Variants in OTX2 observed in about 807,000 individuals in gnomAD.
The protein encoded by OTX2 is homeobox protein OTX2.
OTX2 carries 4 observed loss-of-function variants against 29.0 expected under a neutral mutation model. That is an observed-to-expected ratio of 0.14 (90% CI 0.07 to 0.32). OTX2 has a LOEUF of 0.32. Ranked by LOEUF, OTX2 falls within the 10% of genes least tolerant of loss-of-function variation. OTX2 has a pLI of 1.00. For missense variants in OTX2, 298 were observed against 365.9 expected (o/e 0.81, Z 1.51); for synonymous variants, 134 against 141.0 (o/e 0.95, Z 0.35).
In OTX2 at chr14:56,801,910, T is replaced by C. The variant is rs1891894189; in HGVS notation, c.719A>G (p.Asn240Ser). ...MGTNAVTSHL[N>S]QSPASLSTQG... ...GGTGGAAAGAGAAGCTGGGGACTGA[T>C]TGAGATGGCTGGTGACTGCATTGGT... is the stretch of plus-strand genomic sequence containing the variant. The change falls in exon 5 of 5, where the codon AAT (asparagine) becomes AGT (serine). Residue 240 changes from asparagine (N) to serine (S), a missense_variant. This residue lies in a region of OTX2 where 219 missense variants were observed against 223.5 expected (regional missense o/e 0.98). Transcript: ENST00000672264. This position sits in a 1 kb window ranked among gnomAD's most constrained non-coding sequence, Gnocchi z 4.2. The C allele has an allele frequency of 6.2e-7, 1 of 1,614,024 alleles. No homozygotes were observed. Among genetic ancestry groups the C allele is most frequent in the Non-Finnish European group, 8.5e-7 (1 of 1,180,050 alleles).
In OTX2 at chr14:56,804,674, G is replaced by T. The variant is rs1220572718; in HGVS notation, c.98-311C>A. On this transcript the variant is annotated intron_variant, in intron 3 of 4. Coordinates refer to ENST00000672264, the MANE Select transcript of OTX2 (RefSeq NM_021728.4). The surrounding 1 kb of genome is among the most constrained non-coding windows in gnomAD (Gnocchi z 4.1). ...AACCCCCAAACCACAACACAAAAAG[G>T]CTATTCCAAGAAGTCAAAGGATCTC... Among the ~76,000 whole-genome samples, 9 of 152,142 alleles carry T rather than the reference G, an allele frequency of 5.9e-5. No individual in the cohort carries two copies. The highest frequency in any genetic ancestry group is 5.9e-4 in the Admixed American group (9 of 15,266).
chr14:56,806,093 T>C (rs767114839), intron 2 of OTX2, among the ~76,000 whole-genome samples: 1 of 152,170 alleles, frequency 6.6e-6, no homozygotes, highest in Admixed American at 6.5e-5. Context: ...TGCCTTTCCA[T>C]GGCAGAGATT....
At chr14:56,805,071 C>T (rs1892034377) in intron 3 of OTX2, among the ~76,000 whole-genome samples, 1 of 152,200 alleles carries the variant, frequency 6.6e-6, no homozygotes, top group Admixed American at 6.5e-5. Context: ...CAGTAACCTT[C>T]CTCATCCCAC....
chr14:56,805,452 A>G lies in OTX2; in HGVS notation c.5T>C (p.Met2Thr), dbSNP rs1412709573. 1.9e-6 allele frequency: 3 copies of G among 1,611,908 alleles called. No individual in the cohort carries two copies. The highest frequency in any genetic ancestry group is 2.2e-5 in the East Asian group (1 of 44,858). Reference sequence around the variant, plus strand: ...GTAAGGCGGTTGCTTAAGATAAGACATCATGCTAAGGTTGTTTGGAGGTGC... The same window carrying G: ...GTAAGGCGGTTGCTTAAGATAAGACGTCATGCTAAGGTTGTTTGGAGGTGC... Reference protein sequence around the residue: MMSYLKQPPYAV... With the variant: MTSYLKQPPYAV... Residue 2 changes from methionine to threonine, a missense_variant, in exon 3 of 5, where the codon ATG becomes ACG. Physicochemically the swap from Met to Thr is moderately conservative, Grantham distance 81. This residue lies in a region of OTX2 where 50 missense variants were observed against 57.6 expected (regional missense o/e 0.87). Transcript: ENST00000672264.
Position 56,805,513 on chromosome 14 carries a change from A to G in OTX2, c.-57T>C. 9.0e-7 allele frequency: 1 copy of G among 1,117,302 alleles called. No homozygotes were observed. Among genetic ancestry groups the G allele is most frequent in the Non-Finnish European group, 1.4e-6 (1 of 734,742 alleles). The allele number at this position is 1,117,302 out of a possible 1,614,324, so 69.2% of individuals were successfully genotyped here. On this transcript the variant is annotated 5_prime_UTR_variant, in exon 3 of 5. Transcript: ENST00000672264. ...CAAATCGGGGGTACCCAGCTGGAAG[A>G]TCTTGATGCGCCCGGGGTGGACAGG...
chr14:56,802,241 T>C lies in OTX2; in HGVS notation c.388A>G (p.Ser130Gly), dbSNP rs748205899. The C allele has an allele frequency of 6.2e-7, 1 of 1,614,162 alleles. No homozygotes were observed. The highest frequency in any genetic ancestry group is 1.1e-5 in the South Asian group (1 of 91,074). The change falls in exon 5 of 5, where the codon AGT becomes GGT. Residue 130 changes from serine to glycine, a missense_variant. Ser to Gly is a moderately conservative substitution (Grantham distance 56). This residue lies in a region of OTX2 where 219 missense variants were observed against 223.5 expected (regional missense o/e 0.98). Coordinates refer to ENST00000672264, the MANE Select transcript of OTX2 (RefSeq NM_021728.4). The surrounding 1 kb of genome is among the most constrained non-coding windows in gnomAD (Gnocchi z 4.4). ...KKKTSPAREV[S>G]SESGTSGQFT... The stretch of plus-strand genomic sequence containing the variant: ...TGGCCACTTGTTCCACTCTCTGAAC[T>C]CACTTCCCGAGCTGGAGATGTCTTC...
chr14:56,806,340 T>C (rs1292945841), intron 2 of OTX2, among the ~76,000 whole-genome samples: 1 of 152,232 alleles, frequency 6.6e-6, no homozygotes, highest in Non-Finnish European at 1.5e-5. Flanking sequence ...ATTATATGTG[T>C]CTAAGGAACG....
In OTX2 at chr14:56,801,880, C is replaced by G. The variant is rs746941491; in HGVS notation, c.749G>C (p.Gly250Ala). ...NQSPASLSTQ[G>A]YGASSLGFNS... ...AAAACCCAAGCTTGAAGCTCCATAT[C>G]CCTGGGTGGAAAGAGAAGCTGGGGA... The change falls in exon 5 of 5, where the codon GGA becomes GCA. Residue 250 changes from glycine to alanine, a missense_variant. Transcript: ENST00000672264. This position sits in a 1 kb window ranked among gnomAD's most constrained non-coding sequence, Gnocchi z 4.2. 1 of 1,614,160 alleles carries G rather than the reference C, an allele frequency of 6.2e-7. No homozygotes were observed. The highest frequency in any genetic ancestry group is 1.1e-5 in the South Asian group (1 of 91,090).
intron 2 of OTX2, among the ~76,000 whole-genome samples, chr14:56,808,104 TC>T: frequency 7.4e-6 from 1 of 134,294 alleles, no homozygotes; most frequent in Middle Eastern, 3.8e-3. Flanking sequence ...CGCTTCTCCC[TC>T]CCCCACGCCT....
Position 56,802,225 on chromosome 14 carries a change from G to C in OTX2, c.404C>G (p.Thr135Arg), listed in dbSNP as rs1891915573. The change falls in exon 5 of 5, where the codon ACA becomes AGA. Residue 135 changes from threonine (T) to arginine (R), a missense_variant. Thr to Arg is a moderately conservative substitution (Grantham distance 71). This residue lies in a region of OTX2 where 219 missense variants were observed against 223.5 expected (regional missense o/e 0.98). Transcript: ENST00000672264. This position sits in a 1 kb window ranked among gnomAD's most constrained non-coding sequence, Gnocchi z 4.4. ...AGAGGGGGGAGTGAATTGGCCACTT[G>C]TTCCACTCTCTGAACTCACTTCCCG... is the stretch of plus-strand genomic sequence containing the variant. ...PAREVSSESGTSGQFTPPSST... is the reference protein window; with the variant it reads ...PAREVSSESGRSGQFTPPSST... 6.2e-7 allele frequency: 1 copy of C among 1,614,104 alleles called. No individual in the cohort carries two copies. The highest frequency in any genetic ancestry group is 8.5e-7 in the Non-Finnish European group (1 of 1,180,020).
rs1891852321 is a variant in OTX2 at position 56,800,937 on chromosome 14, T to C, written c.*798A>G. The C allele has an allele frequency of 6.6e-6, 1 of 152,568 alleles. No homozygotes were observed. Among genetic ancestry groups the C allele is most frequent in the Non-Finnish European group, 1.5e-5 (1 of 68,084 alleles). 9.5% of individuals were successfully genotyped at this position (152,568 alleles called of 1,614,324 possible). A position where few individuals can be genotyped will look rare whatever the true frequency, so the allele number is the denominator to read the frequency against. ...TTTTGCTTCTCTTCTCTGACTCTCTTTGTCCAGAGACATTTTGTCGTAAAG... is the reference window on the plus strand; with the variant it reads ...TTTTGCTTCTCTTCTCTGACTCTCTCTGTCCAGAGACATTTTGTCGTAAAG... On this transcript the variant is annotated 3_prime_UTR_variant, in exon 5 of 5. Coordinates refer to ENST00000672264, the MANE Select transcript of OTX2 (RefSeq NM_021728.4).
chr14:56,800,214 C>A lies in OTX2; in HGVS notation c.*1521G>T, dbSNP rs1015105734. 7 of 151,992 alleles carry A rather than the reference C, an allele frequency of 4.6e-5. No individual in the cohort carries two copies. The highest frequency in any genetic ancestry group is 8.8e-5 in the Non-Finnish European group (6 of 68,016). The allele number at this position is 151,992 out of a possible 1,614,324, so 9.4% of individuals were successfully genotyped here. A position where few individuals can be genotyped will look rare whatever the true frequency, so the allele number is the denominator to read the frequency against. ...TTCTGAAACTCTTTTGTTCAGGAAT[C>A]ATTTCTGCCTGAATTACTTTCAGAT... On this transcript the variant is annotated 3_prime_UTR_variant, in exon 5 of 5. Coordinates refer to ENST00000672264, the MANE Select transcript of OTX2 (RefSeq NM_021728.4).
At position 56,804,068 on chromosome 14, in the gene OTX2, G is replaced by T; in HGVS notation, c.273+120C>A. 2.5e-6 allele frequency: 3 copies of T among 1,178,180 alleles called. No homozygotes were observed. Among genetic ancestry groups the T allele is most frequent in the Non-Finnish European group, 3.8e-6 (3 of 795,946 alleles). 73.0% of individuals were successfully genotyped at this position (1,178,180 alleles called of 1,614,324 possible). ...GAGAATAGTTTCCTGGCCCCTTAGT[G>T]AGTGAAGGAGAATTTCAAGCCTTCC... On this transcript the variant is annotated intron_variant, in intron 4 of 4. Transcript: ENST00000672264. This position sits in a 1 kb window ranked among gnomAD's most constrained non-coding sequence, Gnocchi z 4.1.
At chr14:56,809,280 C>T (rs1170444237) in intron 2 of OTX2, among the ~76,000 whole-genome samples, 2 of 152,228 alleles carry the variant, frequency 1.3e-5, no homozygotes, top group South Asian at 2.1e-4. Context: ...CGGGCCGCGA[C>T]CCGGCAAAGT....
Position 56,802,032 on chromosome 14 carries a change from G to A in OTX2, c.597C>T (p.Gly199=), listed in dbSNP as rs775913832. ...CCATGCCCCCAAAGTAGGAAGTTGA[G>A]CCAGCATATCCTTGACTATAACCTG... The part of the protein sequence containing the change: ...QASGYSQGYA[G]STSYFGGMDC... The change falls in exon 5 of 5, where the codon GGC becomes GGT. Residue 199 remains glycine (G), a synonymous_variant. Coordinates refer to ENST00000672264, the MANE Select transcript of OTX2 (RefSeq NM_021728.4). The surrounding 1 kb of genome is among the most constrained non-coding windows in gnomAD (Gnocchi z 4.4). 6.2e-7 allele frequency: 1 copy of A among 1,614,182 alleles called. No individual in the cohort carries two copies. Among genetic ancestry groups the A allele is most frequent in the Non-Finnish European group, 8.5e-7 (1 of 1,180,030 alleles).
Position 56,802,438 on chromosome 14 carries a change from T to G in OTX2, c.274-83A>C, listed in dbSNP as rs1379544344. On this transcript the variant is annotated intron_variant, in intron 4 of 4. Coordinates refer to ENST00000672264, the MANE Select transcript of OTX2 (RefSeq NM_021728.4). This position sits in a 1 kb window ranked among gnomAD's most constrained non-coding sequence, Gnocchi z 4.4. ...TGGCTCCCGTATTATAAATCTATCC[T>G]ACATGGGCAGATCAGCTAAACACAC... 6.9e-7 allele frequency: 1 copy of G among 1,456,336 alleles called. No homozygotes were observed. Among genetic ancestry groups the G allele is most frequent in the Non-Finnish European group, 9.6e-7 (1 of 1,044,570 alleles). The allele number at this position is 1,456,336 out of a possible 1,614,324, so 90.2% of individuals were successfully genotyped here.
intron 2 of OTX2, among the ~76,000 whole-genome samples, chr14:56,806,303 G>T (rs1259316069): frequency 6.6e-6 from 1 of 152,202 alleles, no homozygotes. Flanking sequence ...GTAAGTAACA[G>T]ATTTATTAGG....
chr14:56,806,092 A>G (rs1390119924), intron 2 of OTX2, among the ~76,000 whole-genome samples: 1 of 152,164 alleles, frequency 6.6e-6, no homozygotes, highest in African/African-American at 2.4e-5. Context: ...TTGCCTTTCC[A>G]TGGCAGAGAT....
At position 56,801,603 on chromosome 14, in the gene OTX2, G is replaced by C. The variant is rs1190100508; in HGVS notation, c.*132C>G. The C allele has an allele frequency of 4.8e-6, 5 of 1,048,268 alleles. No individual in the cohort carries two copies. Among genetic ancestry groups the C allele is most frequent in the East Asian group, 4.9e-5 (2 of 41,140 alleles). 64.9% of individuals were successfully genotyped at this position (1,048,268 alleles called of 1,614,324 possible). On this transcript the variant is annotated 3_prime_UTR_variant, in exon 5 of 5. Transcript: ENST00000672264. The surrounding 1 kb of genome is among the most constrained non-coding windows in gnomAD (Gnocchi z 4.2). ...TAAGGCCCTTCGTTTTTCCTTCTAT[G>C]CCTCTCGGAACTTTGATCAGATGAG...
Sources: allele counts gnomAD v4.1 joint callset (sites outside exome capture counted in the v4.1 genomes callset), GRCh38; gene constraint gnomAD v4.1.1; regional missense constraint gnomAD v4.1.1; non-coding constraint Gnocchi (gnomAD v3.1); transcripts MANE v1.5; gene names NCBI Gene and HGNC (gene_info 2026-07-23, HGNC 2026-07-21).